Variants in NRXN3 observed in about 807,000 individuals in gnomAD.
NRXN3 encodes the protein neurexin 3, also known as neurexin III.
NRXN3 carries 32 observed loss-of-function variants against 137.6 expected under a neutral mutation model. That is an observed-to-expected ratio of 0.23 (90% CI 0.18 to 0.31). NRXN3 has a LOEUF of 0.31. Ranked by LOEUF, NRXN3 falls within the 10% of genes least tolerant of loss-of-function variation. NRXN3 has a pLI of 1.00. For missense variants in NRXN3, 1,574 were observed against 2,062.5 expected, an observed-to-expected ratio of 0.76 and a Z score of 4.59; for synonymous variants, 798 against 784.5, an observed-to-expected ratio of 1.02 and a Z score of -0.29.
intron 8 of NRXN3, among the ~76,000 whole-genome samples, chr14:78,725,443 C>T (rs183591897): frequency 2.6e-5 from 4 of 152,352 alleles, no homozygotes; most frequent in East Asian, 3.9e-4. Flanking sequence ...TAGTAGCTCA[C>T]TGTTGCTCAG....
At chr14:78,341,164 A>G (rs1424547401) in intron 4 of NRXN3, among the ~76,000 whole-genome samples, 1 of 152,104 alleles carries the variant, frequency 6.6e-6, no homozygotes, top group Non-Finnish European at 1.5e-5. Context: ...TGAGATTCTC[A>G]TGAGGGCATA....
chr14:79,530,940 T>A (rs902257571), intron 16 of NRXN3, among the ~76,000 whole-genome samples: 1 of 152,200 alleles, frequency 6.6e-6, no homozygotes, highest in Non-Finnish European at 1.5e-5. Flanking sequence ...GAATTTATTG[T>A]TTATCTCACG....
intron 15 of NRXN3, among the ~76,000 whole-genome samples, chr14:79,181,057 CATATATATATATAT>C (rs3035618): frequency 2.1e-5 from 3 of 145,020 alleles, no homozygotes; most frequent in Non-Finnish European, 4.5e-5. Context: ...TGTCTGTGTG[CATATATATATATAT>C]ATATATATAT....
At chr14:79,262,226 C>T (rs2077718031) in intron 15 of NRXN3, among the ~76,000 whole-genome samples, 1 of 152,132 alleles carries the variant, frequency 6.6e-6, no homozygotes, top group Non-Finnish European at 1.5e-5. Context: ...AGTGCCCAAT[C>T]CTCACATTTC....
chr14:79,117,737 G>T (rs1222948095), intron 15 of NRXN3, among the ~76,000 whole-genome samples: 1 of 152,164 alleles, frequency 6.6e-6, no homozygotes, highest in African/African-American at 2.4e-5. Context: ...TCCAGCATTT[G>T]TCAGAATCCA....
intron 15 of NRXN3, among the ~76,000 whole-genome samples, chr14:79,132,776 A>G (rs2653544): frequency 0.018 from 2,686 of 152,282 alleles, 74 homozygotes; most frequent in African/African-American, 0.062. Flanking sequence ...CATGCCACAT[A>G]ATTTTTAAGG....
chr14:79,828,970 G>A (rs1451485376), intron 20 of NRXN3, among the ~76,000 whole-genome samples: 3 of 152,160 alleles, frequency 2.0e-5, no homozygotes, highest in East Asian at 1.9e-4. Flanking sequence ...ACTATTGATC[G>A]ATTTATAATT....
At chr14:78,673,582 C>A (rs2097960934) in intron 6 of NRXN3, among the ~76,000 whole-genome samples, 1 of 152,168 alleles carries the variant, frequency 6.6e-6, no homozygotes, top group Non-Finnish European at 1.5e-5. Context: ...GACTGGGTGG[C>A]TTAAACAACA....
intron 15 of NRXN3, among the ~76,000 whole-genome samples, chr14:79,207,867 T>TATTTTAA (rs1490000353): frequency 1.3e-5 from 2 of 152,006 alleles, no homozygotes; most frequent in African/African-American, 4.8e-5. Flanking sequence ...ATGGTATATA[T>TATTTTAA]ATTTTAAATT....
rs186335748 is a variant in NRXN3, at chr14:78,671,595, T to A, written c.1221+20269T>A. On this transcript the variant is annotated intron_variant, in intron 6 of 20. Coordinates refer to ENST00000335750, the MANE Select transcript of NRXN3 (RefSeq NM_001330195.2). ...AAATAAGTAAATAAAGTCAAACATGTGAAAAAAAGAAATATTTCATAGGCT... is the reference window on the plus strand; with the variant it reads ...AAATAAGTAAATAAAGTCAAACATGAGAAAAAAAGAAATATTTCATAGGCT... Among the ~76,000 whole-genome samples the A allele has an allele frequency of 8.5e-3, 1,297 of 152,204 alleles. 26 individuals carry two copies. Among genetic ancestry groups the A allele is most frequent in the African/African-American group, 0.03 (1,245 of 41,518 alleles).
intron 4 of NRXN3, among the ~76,000 whole-genome samples, chr14:78,633,123 C>T (rs376350785): frequency 6.6e-6 from 1 of 150,974 alleles, no homozygotes; most frequent in South Asian, 2.1e-4. Flanking sequence ...GGTGTGGTGG[C>T]GGGTGCCTGT....
intron 1 of NRXN3, among the ~76,000 whole-genome samples, chr14:78,242,052 A>G (rs905810336): frequency 2.0e-5 from 3 of 152,234 alleles, no homozygotes; most frequent in African/African-American, 7.2e-5. Flanking sequence ...AGGTGTGGGT[A>G]TTTGAATATA....
intron 16 of NRXN3, among the ~76,000 whole-genome samples, chr14:79,564,533 C>A (rs1039999125): frequency 1.3e-5 from 2 of 152,080 alleles, no homozygotes; most frequent in Admixed American, 1.3e-4. Context: ...GCTTCATTGT[C>A]CCGCACACTT....
At chr14:78,441,487 C>T (rs1468987643) in intron 4 of NRXN3, among the ~76,000 whole-genome samples, 7 of 152,108 alleles carry the variant, frequency 4.6e-5, no homozygotes, top group Non-Finnish European at 7.3e-5. Context: ...TCTGTGCTTC[C>T]GATTCCTTGG....
chr14:79,679,127 A>T (rs74243811), intron 17 of NRXN3, among the ~76,000 whole-genome samples: 1 of 151,444 alleles, frequency 6.6e-6, no homozygotes, highest in Non-Finnish European at 1.5e-5. Flanking sequence ...TCTTTAAATC[A>T]TGGATTTTTT....
chr14:79,097,920 C>T lies in NRXN3; in HGVS notation c.3262+109779C>T, dbSNP rs974509737. Among the ~76,000 whole-genome samples the T allele has an allele frequency of 7.2e-5, 11 of 152,094 alleles. No individual in the cohort carries two copies. The East Asian group carries it at 1.9e-3, about 27-fold the overall frequency. On this transcript the variant is annotated intron_variant, in intron 15 of 20. Coordinates refer to ENST00000335750, the MANE Select transcript of NRXN3 (RefSeq NM_001330195.2). ...CAAATAAATGATATACATACGAATT[C>T]CTAATAAGTGCTCAGCAGGTTGTTT...
At chr14:78,279,461 G>C (rs926113715) in intron 3 of NRXN3, 1 of 152,172 alleles carries the variant, frequency 6.6e-6, no homozygotes, top group African/African-American at 2.4e-5. Context: ...GAGTTAAAAA[G>C]AATAATTAAC....
At chr14:79,346,357 G>C (rs986103765) in intron 15 of NRXN3, among the ~76,000 whole-genome samples, 2 of 152,190 alleles carry the variant, frequency 1.3e-5, no homozygotes, top group African/African-American at 4.8e-5. Flanking sequence ...GGAGGTGGAG[G>C]TTGCAGTGAG....
intron 15 of NRXN3, among the ~76,000 whole-genome samples, chr14:79,424,141 A>G (rs2095621041): frequency 6.6e-6 from 1 of 152,246 alleles, no homozygotes; most frequent in African/African-American, 2.4e-5. Context: ...CAATGGAATC[A>G]TTTATAAAAC....
Sources: gnomAD v4.1 joint callset for allele counts (sites outside exome capture counted in the v4.1 genomes callset) on GRCh38, gnomAD v4.1.1 for gene constraint, MANE v1.5 for transcripts, NCBI Gene and HGNC (gene_info 2026-07-23, HGNC 2026-07-21) for gene names.